Variants in EPB41L3 observed in about 807,000 individuals in gnomAD.
EPB41L3 encodes the protein erythrocyte membrane protein band 4.1 like 3.
In EPB41L3, 57 loss-of-function variants were observed where a neutral mutation model predicts 127.1. That is an observed-to-expected ratio of 0.45 (90% CI 0.36 to 0.56). EPB41L3 has a LOEUF of 0.56. EPB41L3 is among the 20% of genes least tolerant of loss of function. The probability of loss-of-function intolerance (pLI) is 0.00; values close to 1 mark genes in which losing one functional copy is unlikely to be tolerated. For synonymous variants in EPB41L3, 572 were observed against 549.5 expected (o/e 1.04, Z -0.57); for missense variants, 1,273 against 1,372.2 (o/e 0.93, Z 1.14).
chr18:5,591,034 C>G lies in EPB41L3; in HGVS notation c.-306+21306G>C, dbSNP rs144356916. 2.6e-5 allele frequency among the ~76,000 whole-genome samples: 4 copies of G among 151,870 alleles called. No individual in the cohort carries two copies. The East Asian group carries it at 7.7e-4, about 29-fold the overall frequency. On this transcript the variant is annotated intron_variant, in intron 3 of 21. Transcript: ENST00000545076. ...CATACAGAAGTACAGACATGAAGATCAAATTTGCTGTACTATATTTTAAAA... is the reference window on the plus strand; with the variant it reads ...CATACAGAAGTACAGACATGAAGATGAAATTTGCTGTACTATATTTTAAAA...
chr18:5,399,343 C>T lies in EPB41L3; in HGVS notation c.2350-1200G>A, dbSNP rs561699754. 4.0e-3 allele frequency: 1,608 copies of T among 398,994 alleles called. 9 individuals carry two copies. Among genetic ancestry groups the T allele is most frequent in the Non-Finnish European group, 5.5e-3 (1,248 of 226,072 alleles). The allele number at this position is 398,994 out of a possible 1,614,324, so 24.7% of individuals were successfully genotyped here. A position where few individuals can be genotyped will look rare whatever the true frequency, so the allele number is the denominator to read the frequency against. On this transcript the variant is annotated intron_variant, in intron 16 of 22. Transcript: ENST00000341928. Reference sequence around the variant, plus strand: ...ATCTTTTTCAAATCACCATCAACTACCTCAGTTGGTATTCTGTCTACAATA... The same window carrying T: ...ATCTTTTTCAAATCACCATCAACTATCTCAGTTGGTATTCTGTCTACAATA...
At chr18:5,542,735 C>T (rs1047688590) in intron 1 of EPB41L3, among the ~76,000 whole-genome samples, 1 of 152,202 alleles carries the variant, frequency 6.6e-6, no homozygotes, top group Non-Finnish European at 1.5e-5. Context: ...CCCTAGAAAA[C>T]TTCAGATCCG....
intron 1 of EPB41L3, among the ~76,000 whole-genome samples, chr18:5,628,116 G>A (rs901731449): frequency 3.3e-5 from 5 of 152,202 alleles, no homozygotes; most frequent in African/African-American, 9.6e-5. Context: ...ACGCCGCAAA[G>A]CAGCACAATT....
At position 5,488,380 on chromosome 18, in the gene EPB41L3, T is replaced by C. The variant is rs538378096; in HGVS notation, c.183+621A>G. ...GTCGAACAATGAGAACACATGGACG[T>C]AGGGAGGGGAACATCACACACTGGG... is the stretch of plus-strand genomic sequence containing the variant. On this transcript the variant is annotated intron_variant, in intron 2 of 22. Coordinates refer to ENST00000341928, the MANE Select transcript of EPB41L3 (RefSeq NM_012307.5). Among the ~76,000 whole-genome samples the C allele has an allele frequency of 3.4e-4, 51 of 150,500 alleles. No homozygotes were observed. The South Asian group carries it at 0.011, about 31-fold the overall frequency.
intron 3 of EPB41L3, among the ~76,000 whole-genome samples, chr18:5,582,935 T>G (rs559379094): frequency 4.6e-4 from 70 of 152,182 alleles, no homozygotes; most frequent in Non-Finnish European, 9.3e-4. Context: ...ACTGCAGACA[T>G]CACTTCACAG....
chr18:5,522,410 C>T (rs1227598372), intron 1 of EPB41L3, among the ~76,000 whole-genome samples: 4 of 152,084 alleles, frequency 2.6e-5, no homozygotes, highest in Non-Finnish European at 5.9e-5. Flanking sequence ...AGATGTGAGC[C>T]GCTAAGCCTG....
upstream of EPB41L3, among the ~76,000 whole-genome samples, chr18:5,548,096 T>C (rs2093910416): frequency 6.6e-6 from 1 of 152,250 alleles, no homozygotes; most frequent in African/African-American, 2.4e-5. Context: ...AGTTGAGGTT[T>C]ATTTTATGCT....
At chr18:5,433,841 G>A (rs2079350687) in intron 7 of EPB41L3, 62 bp downstream of exon 7, 2 of 1,543,780 alleles carry the variant, frequency 1.3e-6, no homozygotes, top group African/African-American at 1.4e-5. Flanking sequence ...GAAGAGGTGG[G>A]TTGTGTGCGG....
At position 5,503,922 on chromosome 18, in the gene EPB41L3, G is replaced by A. The variant is rs2091949202; in HGVS notation, c.-11-14728C>T. Among the ~76,000 whole-genome samples the A allele has an allele frequency of 2.0e-5, 3 of 152,162 alleles. No homozygotes were observed. In the South Asian group the frequency reaches 6.2e-4, roughly 32 times the overall value. On this transcript the variant is annotated intron_variant, in intron 1 of 22. Transcript: ENST00000341928. ...GGAGATATTTTTCCATCTCAGTCAT[G>A]CTCAATCTCTCTTGAGAAGAATATT...
At chr18:5,603,113 A>T (rs1004249930) in intron 3 of EPB41L3, among the ~76,000 whole-genome samples, 1 of 152,142 alleles carries the variant, frequency 6.6e-6, no homozygotes, top group East Asian at 1.9e-4. Context: ...TTTCCTTTTC[A>T]TTAATACTTT....
At chr18:5,460,169 C>G (rs2083743765) in intron 3 of EPB41L3, among the ~76,000 whole-genome samples, 1 of 152,166 alleles carries the variant, frequency 6.6e-6, no homozygotes, top group Admixed American at 6.5e-5. Context: ...TTTTCTGTTC[C>G]TACATTAGTT....
chr18:5,595,602 T>C (rs1304404291), intron 3 of EPB41L3, among the ~76,000 whole-genome samples: 1 of 152,200 alleles, frequency 6.6e-6, no homozygotes, highest in Non-Finnish European at 1.5e-5. Context: ...ACTTCTGCAG[T>C]AATTGTGTGA....
intron 16 of EPB41L3, chr18:5,401,016 T>C (rs1039831177): frequency 1.1e-4 from 176 of 1,534,652 alleles, no homozygotes; most frequent in Non-Finnish European, 1.5e-4. Context: ...AATATAACTT[T>C]TTCAGAAATC....
At position 5,606,691 on chromosome 18, in the gene EPB41L3, A is replaced by G. The variant is rs138530081; in HGVS notation, c.-306+5649T>C. 3.3e-4 allele frequency among the ~76,000 whole-genome samples: 50 copies of G among 152,318 alleles called. No individual in the cohort carries two copies. The East Asian group carries it at 6.2e-3, about 19-fold the overall frequency. On this transcript the variant is annotated intron_variant, in intron 3 of 21. Coordinates refer to the EPB41L3 transcript ENST00000545076. ...TTCATCTATCCTTGCCCTCCTTCTT[A>G]TCTAGAAATTGTCCATTAGTAAAAT...
intron 3 of EPB41L3, chr18:5,577,552 G>A (rs2094348706): frequency 6.4e-6 from 2 of 311,128 alleles, no homozygotes; most frequent in Non-Finnish European, 1.2e-5. Flanking sequence ...ATCAAGCCGG[G>A]GCAGGAAGCA....
chr18:5,549,441 G>T (rs1467810038), intron 3 of EPB41L3, among the ~76,000 whole-genome samples: 5 of 152,156 alleles, frequency 3.3e-5, no homozygotes, highest in Admixed American at 2.6e-4. Flanking sequence ...TCCTATGCAA[G>T]ATGTTTATTA....
upstream of EPB41L3, among the ~76,000 whole-genome samples, chr18:5,548,695 C>G (rs2093921411): frequency 7.0e-6 from 1 of 143,212 alleles, no homozygotes; most frequent in South Asian, 2.2e-4. Context: ...AAGGGTTATT[C>G]TAGTGATCAA....
intron 8 of EPB41L3, among the ~76,000 whole-genome samples, chr18:5,431,960 A>G (rs1236590908): frequency 6.6e-6 from 1 of 152,224 alleles, no homozygotes; most frequent in Non-Finnish European, 1.5e-5. Flanking sequence ...TGTTGTAATT[A>G]TACACAAATG....
At chr18:5,531,054 A>G (rs1001625742) in intron 1 of EPB41L3, among the ~76,000 whole-genome samples, 2 of 152,226 alleles carry the variant, frequency 1.3e-5, no homozygotes, top group African/African-American at 4.8e-5. Context: ...ACTCCCTGAC[A>G]ACAGTGTCCA....
Sources: allele counts gnomAD v4.1 joint callset (sites outside exome capture counted in the v4.1 genomes callset), GRCh38; gene constraint gnomAD v4.1.1; transcripts MANE v1.5; gene names NCBI Gene and HGNC (gene_info 2026-07-23, HGNC 2026-07-21).